Variants in BRINP3 observed in about 807,000 individuals in gnomAD.
BRINP3 encodes BMP/retinoic acid inducible neural specific 3, also known as BMP/retinoic acid-inducible neural-specific protein 3.
In BRINP3, 19 loss-of-function variants were observed where a neutral mutation model predicts 71.0. That is an observed-to-expected ratio of 0.27 (90% confidence interval 0.19 to 0.39). The LOEUF (loss-of-function observed/expected upper bound fraction) is 0.39. Among genes scored for constraint, BRINP3 ranks in the 10% least tolerant of loss-of-function variants. The pLI, the probability that BRINP3 is intolerant of heterozygous loss-of-function variation, is 1.00. For missense variants in BRINP3, 959 were observed against 940.8 expected (o/e 1.02, Z -0.25); for synonymous variants, 380 against 337.7 (o/e 1.13, Z -1.37).
chr1:190,158,293 T>C (rs1347510149), intron 7 of BRINP3, among the ~76,000 whole-genome samples: 2 of 152,122 alleles, frequency 1.3e-5, no homozygotes, highest in African/African-American at 4.8e-5. Flanking sequence ...TCTTCTGCCA[T>C]GATTGTGAGG....
At chr1:190,158,343 CT>C (rs1173982680) in intron 7 of BRINP3, among the ~76,000 whole-genome samples, 4 of 152,076 alleles carry the variant, frequency 2.6e-5, no homozygotes, top group Admixed American at 2.0e-4. Flanking sequence ...CATTAAACCT[CT>C]TTTTCTTCCC....
At chr1:190,443,931 G>A (rs1199530311) in intron 2 of BRINP3, among the ~76,000 whole-genome samples, 3 of 152,016 alleles carry the variant, frequency 2.0e-5, no homozygotes, top group African/African-American at 7.2e-5. Flanking sequence ...CAGGAACTTT[G>A]CTATAAAACA....
At chr1:190,296,089 G>A (rs998397608) in intron 2 of BRINP3, among the ~76,000 whole-genome samples, 1 of 148,852 alleles carries the variant, frequency 6.7e-6, no homozygotes, top group Non-Finnish European at 1.5e-5. Flanking sequence ...GGGGGGGCTG[G>A]GCTTTTGGTG....
At chr1:190,125,497 G>T (rs1488533249) in intron 7 of BRINP3, among the ~76,000 whole-genome samples, 3 of 151,504 alleles carry the variant, frequency 2.0e-5, no homozygotes, top group Admixed American at 6.6e-5. Context: ...AAACTTTTTT[G>T]ATAATAATGA....
At chr1:190,158,599 C>G (rs1657072585) in intron 7 of BRINP3, among the ~76,000 whole-genome samples, 1 of 151,824 alleles carries the variant, frequency 6.6e-6, no homozygotes, top group Non-Finnish European at 1.5e-5. Context: ...CATTTACCAC[C>G]TGAATCTAAA....
At chr1:190,123,920 C>T (rs534511819) in intron 7 of BRINP3, among the ~76,000 whole-genome samples, 4 of 152,150 alleles carry the variant, frequency 2.6e-5, no homozygotes, top group East Asian at 3.9e-4. Flanking sequence ...AAACTTTGCC[C>T]GAGTTCTTCC....
intron 2 of BRINP3, among the ~76,000 whole-genome samples, chr1:190,327,711 T>A (rs1164796157): frequency 1.3e-5 from 2 of 152,064 alleles, no homozygotes; most frequent in African/African-American, 4.8e-5. Context: ...GGGACTTCAA[T>A]ACTCCACTGA....
At chr1:190,147,481 T>C (rs1655992921) in intron 7 of BRINP3, among the ~76,000 whole-genome samples, 1 of 152,200 alleles carries the variant, frequency 6.6e-6, no homozygotes, top group South Asian at 2.1e-4. Context: ...TATATGAAAG[T>C]CCTTTTGTTT....
At chr1:190,363,212 A>G (rs562600722) in intron 2 of BRINP3, among the ~76,000 whole-genome samples, 1 of 152,200 alleles carries the variant, frequency 6.6e-6, no homozygotes, top group South Asian at 2.1e-4. Flanking sequence ...CAACAACAAA[A>G]TGGAAACCGC....
rs368677682 is a variant in BRINP3 at position 190,359,766 on chromosome 1, T to C, written c.237-78016A>G. 9.2e-5 allele frequency among the ~76,000 whole-genome samples: 14 copies of C among 152,286 alleles called. No individual in the cohort carries two copies. In the South Asian group the frequency reaches 2.9e-3, roughly 32 times the overall value. On this transcript the variant is annotated intron_variant, in intron 2 of 7. Transcript: ENST00000367462. Reference sequence around the variant, plus strand: ...TCCTCCTTTGTCTAATTTTAATTTATAACCTTTTCCTTTAATTAAGCATAT... The same window carrying C: ...TCCTCCTTTGTCTAATTTTAATTTACAACCTTTTCCTTTAATTAAGCATAT...
At chr1:190,101,981 C>G (rs1315707277) in intron 7 of BRINP3, among the ~76,000 whole-genome samples, 6 of 152,096 alleles carry the variant, frequency 3.9e-5, no homozygotes, top group Non-Finnish European at 5.9e-5. Flanking sequence ...GGTTTCAGCT[C>G]TCATGTATGA....
intron 6 of BRINP3, among the ~76,000 whole-genome samples, chr1:190,162,002 A>C (rs537968308): frequency 7.8e-4 from 119 of 152,248 alleles, no homozygotes; most frequent in African/African-American, 2.6e-3. Flanking sequence ...TTTTTCCTAG[A>C]TCAAATAAGT....
intron 2 of BRINP3, among the ~76,000 whole-genome samples, chr1:190,432,280 T>C (rs1674150415): frequency 6.6e-6 from 1 of 152,150 alleles, no homozygotes; most frequent in Non-Finnish European, 1.5e-5. Context: ...TCTACTCCAA[T>C]TGAAAACAAT....
chr1:190,195,801 C>T (rs140107094), intron 6 of BRINP3, among the ~76,000 whole-genome samples: 63 of 152,044 alleles, frequency 4.1e-4, no homozygotes, highest in Admixed American at 5.2e-4. Flanking sequence ...TCTGTATTTT[C>T]TTCAAGTCAC....
At chr1:190,225,779 A>G (rs4633293) in intron 6 of BRINP3, among the ~76,000 whole-genome samples, 86,331 of 151,656 alleles carry the variant, frequency 0.57, 24,822 homozygotes, top group Admixed American at 0.69. Flanking sequence ...AGTAGAGAAA[A>G]ACCTCAGAGG....
At chr1:190,138,650 A>G (rs987235041) in intron 7 of BRINP3, among the ~76,000 whole-genome samples, 3 of 152,142 alleles carry the variant, frequency 2.0e-5, no homozygotes, top group Non-Finnish European at 4.4e-5. Flanking sequence ...CTTGGGGATC[A>G]GGGCAAAAGG....
intron 5 of BRINP3, among the ~76,000 whole-genome samples, chr1:190,231,343 A>T (rs1305144940): frequency 1.3e-5 from 2 of 151,844 alleles, no homozygotes; most frequent in African/African-American, 2.4e-5. Context: ...CAAAACACTC[A>T]TGAACCATCA....
At chr1:190,259,369 A>C (rs1031821421) in intron 4 of BRINP3, among the ~76,000 whole-genome samples, 10 of 151,874 alleles carry the variant, frequency 6.6e-5, no homozygotes, top group African/African-American at 2.4e-4. Context: ...AAATCATGTA[A>C]ATAGAATTAA....
chr1:190,142,388 A>G (rs1020107888), intron 7 of BRINP3, among the ~76,000 whole-genome samples: 9 of 152,182 alleles, frequency 5.9e-5, no homozygotes, highest in African/African-American at 1.9e-4. Flanking sequence ...CAGAAAGTGG[A>G]AAACTGCTAA....
Sources: allele counts gnomAD v4.1 joint callset (sites outside exome capture counted in the v4.1 genomes callset), GRCh38; gene constraint gnomAD v4.1.1; transcripts MANE v1.5; gene names NCBI Gene and HGNC (gene_info 2026-07-23, HGNC 2026-07-21).